DTD1: variants seen among roughly 807,000 people sequenced by gnomAD.
The protein encoded by DTD1 is D-aminoacyl-tRNA deacylase 1.
Under a neutral mutation model 25.6 loss-of-function variants are expected in DTD1, and 13 were observed. The observed-to-expected ratio is 0.51, with a 90% CI of 0.33 to 0.81. The LOEUF (loss-of-function observed/expected upper bound fraction) is 0.81. Ranked by LOEUF, DTD1 falls within the 30% of genes least tolerant of loss-of-function variation. The probability of loss-of-function intolerance (pLI) is 0.02; values close to 1 mark genes in which losing one functional copy is unlikely to be tolerated. For synonymous variants in DTD1, 110 were observed against 103.6 expected, an observed-to-expected ratio of 1.06 and a Z score of -0.37; for missense variants, 193 against 266.4, an observed-to-expected ratio of 0.72 and a Z score of 1.92.
At chr20:18,755,880 CCCA>C (rs1325794994) in intron 5 of DTD1, among the ~76,000 whole-genome samples, 75 of 152,222 alleles carry the variant, frequency 4.9e-4, no homozygotes, top group African/African-American at 1.8e-3. Context: ...AGTTTACAGT[CCCA>C]CCAACAGTGT....
At chr20:18,759,160 A>G (rs2061351111) in intron 5 of DTD1, among the ~76,000 whole-genome samples, 1 of 152,228 alleles carries the variant, frequency 6.6e-6, no homozygotes, top group South Asian at 2.1e-4. Context: ...TCCTGAATAC[A>G]GCACACTGAT....
intron 5 of DTD1, among the ~76,000 whole-genome samples, chr20:18,745,992 G>T (rs569186706): frequency 6.6e-6 from 1 of 152,302 alleles, no homozygotes; most frequent in East Asian, 1.9e-4. Context: ...AGAGGGGAAA[G>T]AGTGGGATTG....
Position 18,720,217 on chromosome 20 carries a change from A to C in DTD1, c.478-23883A>C, listed in dbSNP as rs116914638. 5.4e-3 allele frequency among the ~76,000 whole-genome samples: 829 copies of C among 152,356 alleles called. 2 individuals are homozygous for C. The highest frequency in any genetic ancestry group is 0.011 in the South Asian group (51 of 4,826). Reference sequence around the variant, plus strand: ...TTTTCAAGACTCTAGTGTAACTTTGAAAAAGTGTATCACTTAGTAGGGAGG... The same window carrying C: ...TTTTCAAGACTCTAGTGTAACTTTGCAAAAGTGTATCACTTAGTAGGGAGG... On this transcript the variant is annotated intron_variant, in intron 4 of 5. Transcript: ENST00000377452.
chr20:18,601,760 G>A (rs1007977582), intron 3 of DTD1, among the ~76,000 whole-genome samples: 179 of 152,098 alleles, frequency 1.2e-3, no homozygotes, highest in African/African-American at 3.3e-3. Context: ...CATCCACACC[G>A]AAAACCCATC....
At chr20:18,599,263 C>A (rs2060624033) in intron 3 of DTD1, among the ~76,000 whole-genome samples, 1 of 151,148 alleles carries the variant, frequency 6.6e-6, no homozygotes, top group African/African-American at 2.4e-5. Context: ...CAACCTCTGA[C>A]TCACGGGTTC....
chr20:18,741,094 G>GTTA (rs2061276083), intron 4 of DTD1, among the ~76,000 whole-genome samples: 6 of 152,032 alleles, frequency 3.9e-5, no homozygotes, highest in Non-Finnish European at 8.8e-5. Context: ...TTGTTACCAG[G>GTTA]CCATGGCGAA....
intron 4 of DTD1, among the ~76,000 whole-genome samples, chr20:18,645,160 G>A (rs537396945): frequency 1.1e-4 from 17 of 152,126 alleles, no homozygotes; most frequent in African/African-American, 3.9e-4. Context: ...TAAATCAACC[G>A]ATCAATGAAT....
intron 3 of DTD1, among the ~76,000 whole-genome samples, chr20:18,609,304 G>A (rs1458918004): frequency 2.0e-5 from 3 of 151,646 alleles, no homozygotes; most frequent in South Asian, 2.1e-4. Flanking sequence ...CACCACACTC[G>A]GCTAATTTTT....
At chr20:18,592,983 A>T (rs1481096178) in intron 1 of DTD1, among the ~76,000 whole-genome samples, 2 of 152,196 alleles carry the variant, frequency 1.3e-5, no homozygotes, top group African/African-American at 4.8e-5. Flanking sequence ...TGCCCGGCCC[A>T]TAATGATGCA....
chr20:18,588,774 G>A, intron 1 of DTD1: 2 of 985,288 alleles, frequency 2.0e-6, no homozygotes, highest in Non-Finnish European at 2.4e-6. Flanking sequence ...TCTTTTTCTT[G>A]TGGACCAAGC....
chr20:18,704,102 G>A (rs2061116296), intron 4 of DTD1, among the ~76,000 whole-genome samples: 1 of 151,446 alleles, frequency 6.6e-6, no homozygotes, highest in Admixed American at 6.6e-5. Context: ...TGGGGTTCAC[G>A]CCATTCTCCT....
In DTD1 at chr20:18,613,834, C is replaced by T. The variant is rs2060698213; in HGVS notation, c.371-14293C>T. On this transcript the variant is annotated intron_variant, in intron 3 of 5. Transcript: ENST00000377452. ...GTTGATTCTTCTTGACTCATCAAAC[C>T]AATACCCATGCAGAGTGTTGTTGAT... is the stretch of plus-strand genomic sequence containing the variant. Among the ~76,000 whole-genome samples, 4 of 152,288 alleles carry T rather than the reference C, an allele frequency of 2.6e-5. No individual in the cohort carries two copies. The South Asian group carries it at 6.2e-4, about 24-fold the overall frequency.
At chr20:18,664,326 A>G (rs1261520712) in intron 4 of DTD1, among the ~76,000 whole-genome samples, 1 of 152,200 alleles carries the variant, frequency 6.6e-6, no homozygotes, top group Non-Finnish European at 1.5e-5. Context: ...AATACAATGA[A>G]TGCCTGGTGT....
chr20:18,594,104 A>G (rs2060601009), intron 2 of DTD1, among the ~76,000 whole-genome samples: 1 of 152,128 alleles, frequency 6.6e-6, no homozygotes, highest in Admixed American at 6.5e-5. Flanking sequence ...CGCAAAAACC[A>G]AGCCTCTTTT....
chr20:18,651,063 A>G (rs917465055), intron 4 of DTD1, among the ~76,000 whole-genome samples: 1 of 152,198 alleles, frequency 6.6e-6, no homozygotes, highest in African/African-American at 2.4e-5. Flanking sequence ...GGAAGTTGAG[A>G]ATATAATAAA....
intron 4 of DTD1, among the ~76,000 whole-genome samples, chr20:18,708,207 T>TACATATATATTATATATA (rs1371286340): frequency 1.5e-4 from 1 of 6,886 alleles, no homozygotes; most frequent in East Asian, 2.9e-3. Flanking sequence ...ATATATATAT[T>TACATATATATTATATATA]TTATATATAT....
chr20:18,621,432 T>C (rs745977689), intron 3 of DTD1, among the ~76,000 whole-genome samples: 5 of 152,206 alleles, frequency 3.3e-5, no homozygotes, highest in Non-Finnish European at 7.3e-5. Flanking sequence ...CTGTGTTTTG[T>C]GTGGAGATAA....
chr20:18,718,078 T>C (rs1261349664), intron 4 of DTD1, among the ~76,000 whole-genome samples: 1 of 152,218 alleles, frequency 6.6e-6, no homozygotes, highest in Non-Finnish European at 1.5e-5. Context: ...AGTTTAAGAT[T>C]AGAGTTAGAT....
chr20:18,688,895 G>A (rs1324484469), intron 4 of DTD1, among the ~76,000 whole-genome samples: 1 of 152,070 alleles, frequency 6.6e-6, no homozygotes, highest in African/African-American at 2.4e-5. Context: ...GTGGGGGGTG[G>A]GGAGGTATGT....
Sources: gnomAD v4.1 joint callset for allele counts (sites outside exome capture counted in the v4.1 genomes callset) on GRCh38, gnomAD v4.1.1 for gene constraint, MANE v1.5 for transcripts, NCBI Gene and HGNC (gene_info 2026-07-23, HGNC 2026-07-21) for gene names.